AGO2: variants seen among roughly 807,000 people sequenced by gnomAD.
The protein encoded by AGO2 is protein argonaute-2.
A neutral mutation model predicts 102.3 loss-of-function variants in AGO2; 5 were observed. The ratio of observed to expected loss-of-function variants is 0.05; its 90% CI spans 0.03 to 0.10. AGO2 has a LOEUF of 0.10. AGO2 is among the 10% of genes least tolerant of loss of function. The pLI, the probability that AGO2 is intolerant of heterozygous loss-of-function variation, is 1.00. For synonymous variants in AGO2, 449 were observed against 473.1 expected, an observed-to-expected ratio of 0.95 and a Z score of 0.66; for missense variants, 541 against 1,183.7, an observed-to-expected ratio of 0.46 and a Z score of 7.97.
rs914567884 is a variant in AGO2, at chr8:140,567,360, G to A, written c.337-4726C>T. 9.2e-5 allele frequency among the ~76,000 whole-genome samples: 14 copies of A among 152,258 alleles called. No individual in the cohort carries two copies. The highest frequency in any genetic ancestry group is 3.1e-4 in the African/African-American group (13 of 41,474). ...TCTCCAAGGGACAGGCACCGTGTGC[G>A]TCTGGGCTGCCAGCAGCAGGTGGTC... On this transcript the variant is annotated intron_variant, in intron 3 of 18. Coordinates refer to ENST00000220592, the MANE Select transcript of AGO2 (RefSeq NM_012154.5). This position sits in a 1 kb window ranked among gnomAD's most constrained non-coding sequence, Gnocchi z 5.0.
intron 1 of AGO2, among the ~76,000 whole-genome samples, chr8:140,613,206 C>T (rs1411832767): frequency 1.3e-5 from 2 of 152,038 alleles, no homozygotes; most frequent in Non-Finnish European, 2.9e-5. Flanking sequence ...TCTCAAAAAA[C>T]AACAGCAACA....
In AGO2 at chr8:140,524,488, CAG is replaced by C. The variant is rs1310534214; in HGVS notation, c.*7554_*7555del. Reference sequence around the variant, plus strand: ...CTGCATGGCATCACAGTTTACAAGTCAGGGGCTGAGGAGCGGAAAGAAAGCTT... The same window carrying C: ...CTGCATGGCATCACAGTTTACAAGTCGGGCTGAGGAGCGGAAAGAAAGCTT... On this transcript the variant is annotated 3_prime_UTR_variant, in exon 19 of 19. Coordinates refer to ENST00000220592, the MANE Select transcript of AGO2 (RefSeq NM_012154.5). The C allele has an allele frequency of 1.3e-5, 2 of 152,250 alleles. No homozygotes were observed. The highest frequency in any genetic ancestry group is 4.8e-5 in the African/African-American group (2 of 41,448). The allele number at this position is 152,250 out of a possible 1,614,324, so 9.4% of individuals were successfully genotyped here. A position where few individuals can be genotyped will look rare whatever the true frequency, so the allele number is the denominator to read the frequency against.
At chr8:140,566,598 CTTTCT>C (rs1161576023) in intron 3 of AGO2, among the ~76,000 whole-genome samples, 5 of 145,658 alleles carry the variant, frequency 3.4e-5, no homozygotes, top group African/African-American at 5.1e-5. Flanking sequence ...CCCCCCTTTA[CTTTCT>C]TTTTTTTTTT....
At position 140,521,029 on chromosome 8, in the gene AGO2, A is replaced by T. The variant is rs1318403465; in HGVS notation, c.*11015T>A. On this transcript the variant is annotated 3_prime_UTR_variant, in exon 19 of 19. Transcript: ENST00000220592. ...GGTCCAAAAAGCATATATCAAAACA[A>T]AAATAACAAAAGCAAAACAAAATGC... The T allele has an allele frequency of 6.6e-6, 1 of 152,216 alleles. No homozygotes were observed. The allele number at this position is 152,216 out of a possible 1,614,324, so 9.4% of individuals were successfully genotyped here. A position where few individuals can be genotyped will look rare whatever the true frequency, so the allele number is the denominator to read the frequency against.
chr8:140,581,692 A>C (rs1205220664), intron 2 of AGO2, among the ~76,000 whole-genome samples: 1 of 152,198 alleles, frequency 6.6e-6, no homozygotes, highest in Non-Finnish European at 1.5e-5. Context: ...ATCTAGGAAG[A>C]CCTTTAGTAA....
At chr8:140,607,803 C>T (rs926505493) in intron 1 of AGO2, among the ~76,000 whole-genome samples, 4 of 152,090 alleles carry the variant, frequency 2.6e-5, no homozygotes, top group African/African-American at 4.8e-5. Flanking sequence ...AGCAGCTGCT[C>T]ATGGAGCACA....
chr8:140,615,945 G>T (rs549247237), intron 1 of AGO2, among the ~76,000 whole-genome samples: 1 of 152,368 alleles, frequency 6.6e-6, no homozygotes, highest in East Asian at 1.9e-4. Flanking sequence ...TTCCCATTCT[G>T]AGGGCATTTT....
intron 1 of AGO2, among the ~76,000 whole-genome samples, chr8:140,594,738 G>C (rs1001266418): frequency 6.6e-6 from 1 of 151,950 alleles, no homozygotes; most frequent in African/African-American, 2.4e-5. Context: ...AGCCTGGGGA[G>C]GTCAAGGCTG....
intron 1 of AGO2, among the ~76,000 whole-genome samples, chr8:140,599,230 T>G (rs904786505): frequency 9.2e-5 from 14 of 152,212 alleles, no homozygotes; most frequent in Admixed American, 4.6e-4. Context: ...AAAAGAGATG[T>G]GCGCTGAGCG....
intron 2 of AGO2, among the ~76,000 whole-genome samples, chr8:140,584,303 C>T (rs899561055): frequency 3.9e-5 from 6 of 152,206 alleles, no homozygotes; most frequent in South Asian, 4.2e-4. Flanking sequence ...ACTCACCCAC[C>T]GAAACACACA....
intron 1 of AGO2, chr8:140,626,535 A>AAGC (rs1447688227): frequency 6.6e-6 from 1 of 152,156 alleles, no homozygotes; most frequent in African/African-American, 2.4e-5. Flanking sequence ...CCTCTGATCA[A>AAGC]AGCACCACCA....
chr8:140,552,736 GCGCGCA>G (rs1408501617), intron 10 of AGO2, among the ~76,000 whole-genome samples: 2 of 132,934 alleles, frequency 1.5e-5, no homozygotes, highest in Non-Finnish European at 3.2e-5. Flanking sequence ...GCACGCGCGC[GCGCGCA>G]CACACACACA....
chr8:140,527,174 A>G lies in AGO2; in HGVS notation c.*4870T>C, dbSNP rs2072521403. The stretch of plus-strand genomic sequence containing the variant: ...CTTAGGACTAAATCATCAGGCACCA[A>G]GAGACCATGTTCTCCTAGTAACCGA... On this transcript the variant is annotated 3_prime_UTR_variant, in exon 19 of 19. Transcript: ENST00000220592. The surrounding 1 kb of genome is among the most constrained non-coding windows in gnomAD (Gnocchi z 6.0). 6.6e-6 allele frequency: 1 copy of G among 152,242 alleles called. No homozygotes were observed. The allele number at this position is 152,242 out of a possible 1,614,324, so 9.4% of individuals were successfully genotyped here.
upstream of AGO2, among the ~76,000 whole-genome samples, chr8:140,639,724 A>G (rs1030336768): frequency 6.6e-6 from 1 of 151,966 alleles, no homozygotes; most frequent in Non-Finnish European, 1.5e-5. Context: ...AGTGAGCTAT[A>G]ACTGTGCCAC....
chr8:140,619,555 C>T (rs1313770650), intron 1 of AGO2, among the ~76,000 whole-genome samples: 2 of 152,296 alleles, frequency 1.3e-5, no homozygotes, highest in South Asian at 2.1e-4. Flanking sequence ...AGGCAAAGGC[C>T]GCTCACTGCG....
chr8:140,620,004 G>A (rs6983600), intron 1 of AGO2, among the ~76,000 whole-genome samples: 5,070 of 152,262 alleles, frequency 0.033, 277 homozygotes, highest in African/African-American at 0.11. Flanking sequence ...TAAAATAACA[G>A]AAGCTCAGGG....
chr8:140,617,268 T>C (rs1384488008), intron 1 of AGO2, among the ~76,000 whole-genome samples: 3 of 152,138 alleles, frequency 2.0e-5, no homozygotes, highest in Admixed American at 2.0e-4. Flanking sequence ...ACCACTCTTT[T>C]TTTTTTTCGA....
At chr8:140,582,972 T>G (rs959112445) in intron 2 of AGO2, among the ~76,000 whole-genome samples, 4 of 152,232 alleles carry the variant, frequency 2.6e-5, no homozygotes, top group African/African-American at 9.6e-5. Flanking sequence ...TGGGCATGTC[T>G]GTGTGGCTGC....
rs1012044361 is a variant in AGO2 at position 140,524,764 on chromosome 8, A to G, written c.*7280T>C. 1 of 152,062 alleles carries G rather than the reference A, an allele frequency of 6.6e-6. No individual in the cohort carries two copies. The highest frequency in any genetic ancestry group is 1.5e-5 in the Non-Finnish European group (1 of 68,156). The allele number at this position is 152,062 out of a possible 1,614,324, so 9.4% of individuals were successfully genotyped here. A position where few individuals can be genotyped will look rare whatever the true frequency, so the allele number is the denominator to read the frequency against. ...CCAAGACTGCGCACACAACTCCCAG[A>G]GTTCAAAGGAGCCCCGGACCCCTAC... On this transcript the variant is annotated 3_prime_UTR_variant, in exon 19 of 19. Coordinates refer to ENST00000220592, the MANE Select transcript of AGO2 (RefSeq NM_012154.5).
Sources: allele counts gnomAD v4.1 joint callset (sites outside exome capture counted in the v4.1 genomes callset), GRCh38; gene constraint gnomAD v4.1.1; non-coding constraint Gnocchi (gnomAD v3.1); transcripts MANE v1.5; gene names NCBI Gene and HGNC (gene_info 2026-07-23, HGNC 2026-07-21).